Variants in TLN2 observed in about 807,000 individuals in gnomAD.
The protein encoded by TLN2 is talin 2, also known as talin-2.
A neutral mutation model predicts 294.7 loss-of-function variants in TLN2; 118 were observed. The ratio of observed to expected loss-of-function variants is 0.40; its 90% confidence interval spans 0.34 to 0.47. The LOEUF is 0.47. Among genes scored for constraint, TLN2 ranks in the 20% least tolerant of loss-of-function variants. The pLI, the probability that TLN2 is intolerant of heterozygous loss-of-function variation, is 0.84. For synonymous variants in TLN2, 1,431 were observed against 1,304.5 expected (o/e 1.10, Z -2.09); for missense variants, 3,083 against 3,282.2 (o/e 0.94, Z 1.48).
chr15:62,711,050 G>T (rs552634610), intron 21 of TLN2, among the ~76,000 whole-genome samples: 2 of 152,040 alleles, frequency 1.3e-5, no homozygotes, highest in East Asian at 1.9e-4. Context: ...TTACCGTCTC[G>T]GGATCCAGTC....
intron 48 of TLN2, among the ~76,000 whole-genome samples, chr15:62,798,013 C>T (rs943522529): frequency 3.3e-5 from 5 of 152,166 alleles, no homozygotes; most frequent in Non-Finnish European, 5.9e-5. Context: ...AGGAAAGCCG[C>T]GGGCATCATG....
At chr15:62,618,302 T>A (rs533382317) in intron 2 of TLN2, 49 bp from the exon 3 acceptor site, 3 of 152,234 alleles carry the variant, frequency 2.0e-5, no homozygotes, top group Non-Finnish European at 4.4e-5. Context: ...ATTTGTAATG[T>A]TATTTTTACC....
Position 62,843,157 on chromosome 15 carries a change from G to T in TLN2, c.*2547G>T, listed in dbSNP as rs575598287. The T allele has an allele frequency of 1.8e-4, 28 of 152,296 alleles. No homozygotes were observed. Among genetic ancestry groups the T allele is most frequent in the African/African-American group, 6.5e-4 (27 of 41,548 alleles). 9.4% of individuals were successfully genotyped at this position (152,296 alleles called of 1,614,324 possible). ...GGCCCCAGGTCTGGAGCATAGAAGT[G>T]TATCTCTGTGAAGAGAGAGCCGGTG... On this transcript the variant is annotated 3_prime_UTR_variant, in exon 59 of 59. Transcript: ENST00000636159.
chr15:62,600,600 A>C (rs546095219), intron 2 of TLN2, among the ~76,000 whole-genome samples: 1 of 152,342 alleles, frequency 6.6e-6, no homozygotes, highest in South Asian at 2.1e-4. Context: ...GTGGTCTCAC[A>C]TGCTCACTGA....
At chr15:62,591,404 C>T (rs2046066095) in intron 2 of TLN2, among the ~76,000 whole-genome samples, 1 of 152,144 alleles carries the variant, frequency 6.6e-6, no homozygotes, top group Non-Finnish European at 1.5e-5. Flanking sequence ...GGTACTTTAC[C>T]TGTACATTGC....
chr15:62,740,407 G>T, intron 31 of TLN2: 1 of 511,592 alleles, frequency 2.0e-6, no homozygotes, highest in Non-Finnish European at 3.4e-6. Context: ...ACTTGGGGAT[G>T]GATTTCTTTC....
intron 1 of TLN2, among the ~76,000 whole-genome samples, chr15:62,493,338 AG>A: frequency 6.6e-6 from 1 of 152,206 alleles, no homozygotes; most frequent in Middle Eastern, 3.4e-3. Context: ...TCTGGGCCTC[AG>A]TTTCCTCACG....
At chr15:62,604,321 T>C (rs2047234556) in intron 2 of TLN2, among the ~76,000 whole-genome samples, 1 of 151,638 alleles carries the variant, frequency 6.6e-6, no homozygotes, top group African/African-American at 2.4e-5. Flanking sequence ...TTCGAGACCA[T>C]CCTAGGCAAC....
intron 1 of TLN2, among the ~76,000 whole-genome samples, chr15:62,561,884 A>T (rs2119695): frequency 0.42 from 63,081 of 151,346 alleles, 13,338 homozygotes; most frequent in East Asian, 0.54. Context: ...AGATTTTAAC[A>T]TGCTCTCCTC....
chr15:62,586,456 A>T (rs1286582343), intron 1 of TLN2, among the ~76,000 whole-genome samples: 1 of 152,252 alleles, frequency 6.6e-6, no homozygotes, highest in Non-Finnish European at 1.5e-5. Context: ...ACAAGGAATT[A>T]TGACTTTTTA....
intron 32 of TLN2, among the ~76,000 whole-genome samples, chr15:62,745,925 A>G (rs1052337259): frequency 8.5e-5 from 13 of 152,368 alleles, no homozygotes; most frequent in Middle Eastern, 3.4e-3. Context: ...TTACCCAAGC[A>G]TCTCACTTAG....
In TLN2 at chr15:62,840,750, A is replaced by C; in HGVS notation, c.*140A>C. 10 of 1,220,840 alleles carry C rather than the reference A, an allele frequency of 8.2e-6. No homozygotes were observed. Among genetic ancestry groups the C allele is most frequent in the Non-Finnish European group, 1.1e-5 (10 of 896,562 alleles). The allele number at this position is 1,220,840 out of a possible 1,614,324, so 75.6% of individuals were successfully genotyped here. A position where few individuals can be genotyped will look rare whatever the true frequency, so the allele number is the denominator to read the frequency against. On this transcript the variant is annotated 3_prime_UTR_variant, in exon 59 of 59. Transcript: ENST00000636159. ...CCTGGAGCCCTGCGTGCTTGTTCTC[A>C]CATCTCTGTCCCGTCGGCACTGGCT...
intron 3 of TLN2, among the ~76,000 whole-genome samples, chr15:62,635,787 C>T (rs191744333): frequency 6.6e-6 from 1 of 152,096 alleles, no homozygotes; most frequent in Non-Finnish European, 1.5e-5. Flanking sequence ...TATAATAATG[C>T]AACAAGTGAA....
intron 7 of TLN2, among the ~76,000 whole-genome samples, chr15:62,655,058 C>T (rs774532786): frequency 6.6e-6 from 1 of 152,010 alleles, no homozygotes; most frequent in Non-Finnish European, 1.5e-5. Flanking sequence ...TTTCCTCTCA[C>T]CCTTTCTGTG....
chr15:62,446,162 A>G (rs2035812403), intron 1 of TLN2, among the ~76,000 whole-genome samples: 1 of 151,488 alleles, frequency 6.6e-6, no homozygotes, highest in South Asian at 2.1e-4. Context: ...GCCCGCCACC[A>G]CGCCCCGCTA....
At chr15:62,447,387 G>C (rs2035879081) in intron 1 of TLN2, among the ~76,000 whole-genome samples, 1 of 152,078 alleles carries the variant, frequency 6.6e-6, no homozygotes, top group Admixed American at 6.6e-5. Context: ...GCATGTGGCT[G>C]AGCTGTGAGA....
Position 62,836,181 on chromosome 15 carries a change from G to A in TLN2, c.7374+108G>A, listed in dbSNP as rs1315273111. On this transcript the variant is annotated intron_variant, in intron 57 of 58. Transcript: ENST00000636159. ...GCATGACCCACCAGGCCTTCCATCA[G>A]CCAGCCCTGTCCACGTTCCAGCCTC... 6 of 1,464,656 alleles carry A rather than the reference G, an allele frequency of 4.1e-6. No individual in the cohort carries two copies. In the East Asian group the frequency reaches 9.9e-5, roughly 24 times the overall value. 90.7% of individuals were successfully genotyped at this position (1,464,656 alleles called of 1,614,324 possible).
chr15:62,796,159 G>C lies in TLN2; in HGVS notation c.5916G>C (p.Gly1972=). ...VSLVLSALQA[G]NKGTQACITA... ...TGGTGCTCTCGGCTCTCCAGGCCGGGAACAAAGGAACCCAGGCATGCATTA... is the reference window on the plus strand; with the variant it reads ...TGGTGCTCTCGGCTCTCCAGGCCGGCAACAAAGGAACCCAGGCATGCATTA... The change falls in exon 47 of 59, where the codon GGG becomes GGC. Residue 1972 remains glycine, a synonymous_variant. Transcript: ENST00000636159. 6.2e-7 allele frequency: 1 copy of C among 1,614,256 alleles called. No individual in the cohort carries two copies. The highest frequency in any genetic ancestry group is 8.5e-7 in the Non-Finnish European group (1 of 1,180,048).
At chr15:62,764,074 G>T (rs367754053) in intron 40 of TLN2, among the ~76,000 whole-genome samples, 17 of 152,316 alleles carry the variant, frequency 1.1e-4, no homozygotes, top group Non-Finnish European at 2.4e-4. Flanking sequence ...TATTTCATCA[G>T]TGTGCTTTTT....
Sources: gnomAD v4.1 joint callset for allele counts (sites outside exome capture counted in the v4.1 genomes callset) on GRCh38, gnomAD v4.1.1 for gene constraint, MANE v1.5 for transcripts, NCBI Gene and HGNC (gene_info 2026-07-23, HGNC 2026-07-21) for gene names.